Variants in DISC1 observed in about 807,000 individuals in gnomAD.
DISC1 encodes the protein disrupted in schizophrenia 1 protein.
A neutral mutation model predicts 84.5 loss-of-function variants in DISC1; 57 were observed. That is an observed-to-expected ratio of 0.67 (90% CI 0.55 to 0.84). The LOEUF is 0.84. Ranked by LOEUF, DISC1 falls within the 40% of genes least tolerant of loss-of-function variation. The pLI is 0.00. For synonymous variants in DISC1, 411 were observed against 415.2 expected, an observed-to-expected ratio of 0.99 and a Z score of 0.12; for missense variants, 1,000 against 1,057.8, an observed-to-expected ratio of 0.95 and a Z score of 0.76.
At chr1:231,795,984 C>A (rs891952030) in intron 7 of DISC1, among the ~76,000 whole-genome samples, 23 of 152,144 alleles carry the variant, frequency 1.5e-4, no homozygotes, top group African/African-American at 5.1e-4. Flanking sequence ...ACAAATAGAA[C>A]AGTTGGTGAC....
chr1:231,715,515 G>T (rs1197789705), intron 3 of DISC1, among the ~76,000 whole-genome samples: 2 of 152,132 alleles, frequency 1.3e-5, no homozygotes, highest in Non-Finnish European at 2.9e-5. Flanking sequence ...ACCTTTGATT[G>T]TCTCTGACTG....
chr1:232,018,720 C>T (rs943562533), intron 11 of DISC1, among the ~76,000 whole-genome samples: 2 of 152,220 alleles, frequency 1.3e-5, no homozygotes, highest in African/African-American at 2.4e-5. Context: ...TGAGTCGGTG[C>T]TACTGAATCA....
chr1:231,932,731 AT>A (rs2126109983), intron 9 of DISC1, among the ~76,000 whole-genome samples: 1 of 152,278 alleles, frequency 6.6e-6, no homozygotes, highest in African/African-American at 2.4e-5. Flanking sequence ...CCAATCATTT[AT>A]GTCTCTTCTA....
At chr1:231,754,495 C>T (rs560038409) in intron 4 of DISC1, among the ~76,000 whole-genome samples, 9 of 152,202 alleles carry the variant, frequency 5.9e-5, no homozygotes, top group East Asian at 3.9e-4. Context: ...AACTCTATCA[C>T]GAGAACACCA....
intron 11 of DISC1, among the ~76,000 whole-genome samples, chr1:232,011,976 G>C (rs1021123401): frequency 6.6e-6 from 1 of 152,042 alleles, no homozygotes; most frequent in Non-Finnish European, 1.5e-5. Flanking sequence ...ACACCACCAC[G>C]ACATAAGAGG....
chr1:232,002,766 G>A (rs78598047), intron 10 of DISC1, among the ~76,000 whole-genome samples: 1 of 152,206 alleles, frequency 6.6e-6, no homozygotes, highest in Non-Finnish European at 1.5e-5. Flanking sequence ...GGCATGGGAC[G>A]TAGGCAGGTG....
intron 1 of DISC1, among the ~76,000 whole-genome samples, chr1:231,691,503 G>A (rs1196912853): frequency 1.3e-5 from 2 of 152,002 alleles, no homozygotes; most frequent in Non-Finnish European, 2.9e-5. Context: ...CCTTGGAAAA[G>A]AAATGAAATT....
chr1:231,750,337 A>C, intron 4 of DISC1: 1 of 1,275,680 alleles, frequency 7.8e-7, no homozygotes, highest in Non-Finnish European at 9.9e-7. Flanking sequence ...CCAGGTCTGA[A>C]GCATCTCTTG....
intron 3 of DISC1, chr1:231,723,646 A>G (rs1248450409): frequency 1.2e-5 from 12 of 985,316 alleles, no homozygotes; most frequent in Admixed American, 6.1e-5. Context: ...TTTTTGTCTC[A>G]TCAATTGGAT....
At chr1:231,945,430 A>G (rs1300572226) in intron 9 of DISC1, among the ~76,000 whole-genome samples, 4 of 152,240 alleles carry the variant, frequency 2.6e-5, no homozygotes, top group African/African-American at 9.6e-5. Flanking sequence ...CAAAGACACA[A>G]CAAAGCAGAA....
intron 3 of DISC1, among the ~76,000 whole-genome samples, chr1:231,715,899 G>C (rs968046143): frequency 6.6e-6 from 1 of 152,342 alleles, no homozygotes; most frequent in Non-Finnish European, 1.5e-5. Flanking sequence ...GCTCAGCCGG[G>C]AATGGAGGGG....
At position 231,698,059 on chromosome 1, in the gene DISC1, T is replaced by C. The variant is rs1314833659; in HGVS notation, c.1047+3254T>C. On this transcript the variant is annotated intron_variant, in intron 2 of 12. Transcript: ENST00000439617. The surrounding 1 kb of genome is among the most constrained non-coding windows in gnomAD (Gnocchi z 4.9). ...CCAGAAACTTTATTCAGGCATGAGT[T>C]AGAGTGCTGTTGGCCAGAGTACAAT... Among the ~76,000 whole-genome samples, 2 of 152,178 alleles carry C rather than the reference T, an allele frequency of 1.3e-5. No homozygotes were observed. The highest frequency in any genetic ancestry group is 3.8e-4 in the East Asian group (2 of 5,200).
At chr1:232,013,414 T>C (rs1289414277) in intron 11 of DISC1, among the ~76,000 whole-genome samples, 1 of 150,360 alleles carries the variant, frequency 6.7e-6, no homozygotes, top group Non-Finnish European at 1.5e-5. Flanking sequence ...TTGTTCAGAT[T>C]GAGGTCTTCA....
At position 231,666,842 on chromosome 1, in the gene DISC1, T is replaced by TG. The variant is rs2062069734; in HGVS notation, c.68-26983dup. Among the ~76,000 whole-genome samples, 5 of 152,344 alleles carry TG rather than the reference T, an allele frequency of 3.3e-5. 1 individual carries two copies. Among genetic ancestry groups the TG allele is most frequent in the African/African-American group, 1.2e-4 (5 of 41,582 alleles). On this transcript the variant is annotated intron_variant, in intron 1 of 12. Transcript: ENST00000439617. ...CTGGAGAGGAGAGGTCAGGACTGGC[T>TG]GCAGAGGAGGAAGCTGCTGAGGTGA...
Position 231,694,791 on chromosome 1 carries a change from C to T in DISC1, c.1033C>T (p.Arg345Trp), listed in dbSNP as rs776313827. ...GCTGCGGGACTGCCTGCTGAGAAAC[C>T]GGAGGCAGATGGAGGTCAGTGTCTC... ...PVLRDCLLRN[R>W]RQMEVISLRL... The change falls in exon 2 of 13, where the codon CGG becomes TGG. Residue 345 changes from arginine to tryptophan, a missense_variant. Physicochemically the swap from Arg to Trp is moderately radical, Grantham distance 101. Coordinates refer to ENST00000439617, the MANE Select transcript of DISC1 (RefSeq NM_018662.3). 19 of 1,613,636 alleles carry T rather than the reference C, an allele frequency of 1.2e-5. No individual in the cohort carries two copies. The highest frequency in any genetic ancestry group is 1.7e-5 in the Admixed American group (1 of 59,996).
intron 9 of DISC1, among the ~76,000 whole-genome samples, chr1:231,907,511 CT>C (rs1481474391): frequency 2.0e-5 from 3 of 152,050 alleles, no homozygotes; most frequent in Non-Finnish European, 2.9e-5. Flanking sequence ...TGAACTTATC[CT>C]TTTTTATGGC....
chr1:231,896,009 A>G (rs566218506), intron 9 of DISC1, among the ~76,000 whole-genome samples: 2 of 152,334 alleles, frequency 1.3e-5, no homozygotes, highest in East Asian at 3.9e-4. Context: ...TTTCTCTAGC[A>G]TCATACAGGC....
chr1:231,656,396 A>T (rs2061073155), intron 1 of DISC1, among the ~76,000 whole-genome samples: 1 of 152,066 alleles, frequency 6.6e-6, no homozygotes. Context: ...GTTGGTTGTA[A>T]CTATTTGGCT....
intron 9 of DISC1, among the ~76,000 whole-genome samples, chr1:231,921,525 A>G (rs2090010307): frequency 6.8e-6 from 1 of 146,768 alleles, no homozygotes; most frequent in Non-Finnish European, 1.5e-5. Context: ...TTATGATATC[A>G]TACTTTTATA....
Sources: allele counts gnomAD v4.1 joint callset (sites outside exome capture counted in the v4.1 genomes callset), GRCh38; gene constraint gnomAD v4.1.1; non-coding constraint Gnocchi (gnomAD v3.1); transcripts MANE v1.5; gene names NCBI Gene and HGNC (gene_info 2026-07-23, HGNC 2026-07-21).